The following FBXL20 variants were observed in gnomAD, a reference collection of about 807,000 sequenced individuals.
FBXL20 encodes the protein F-box/LRR-repeat protein 20.
In FBXL20, 11 loss-of-function variants were observed where a neutral mutation model predicts 64.0. The observed-to-expected ratio is 0.17, with a 90% confidence interval of 0.11 to 0.28. The LOEUF (loss-of-function observed/expected upper bound fraction) is 0.28, where lower values mean the gene tolerates loss of function less well. Among genes scored for constraint, FBXL20 ranks in the 10% least tolerant of loss-of-function variants. The pLI is 1.00. For missense variants in FBXL20, 303 were observed against 526.2 expected (o/e 0.58, Z 4.15); for synonymous variants, 184 against 189.0 (o/e 0.97, Z 0.22).
intron 2 of FBXL20, among the ~76,000 whole-genome samples, chr17:39,310,711 C>T (rs750043730): frequency 2.6e-5 from 4 of 151,952 alleles, no homozygotes; most frequent in Non-Finnish European, 4.4e-5. Context: ...TTAGGCTGGG[C>T]TTGGTGGCTC....
At chr17:39,285,403 C>A in intron 7 of FBXL20, 75 bp downstream of exon 7, 1 of 991,032 alleles carries the variant, frequency 1.0e-6, no homozygotes, top group Non-Finnish European at 1.4e-6. Flanking sequence ...CTTCAATTCC[C>A]ACTTTATATC....
rs76714785 is a variant in FBXL20, at chr17:39,320,929, G to T, written c.105-17290C>A. Among the ~76,000 whole-genome samples, 26 of 152,186 alleles carry T rather than the reference G, an allele frequency of 1.7e-4. No homozygotes were observed. In the East Asian group the frequency reaches 4.8e-3, roughly 28 times the overall value. ...AACAAAAAGTGACTAACAGCCACAC[G>T]TAACTCAGAAGACAATATATAGTTT... On this transcript the variant is annotated intron_variant, in intron 2 of 14. Coordinates refer to ENST00000264658, the MANE Select transcript of FBXL20 (RefSeq NM_032875.3).
chr17:39,268,836 C>A lies in FBXL20; in HGVS notation c.924G>T (p.Glu308Asp). The change falls in exon 12 of 15, where the codon GAG (glutamate) becomes GAT (aspartate). Residue 308 changes from glutamate (E) to aspartate (D), a missense_variant. By Grantham distance (45) the Glu-to-Asp change is conservative. This residue lies in a region of FBXL20 where 246 missense variants were observed against 422.6 expected (regional missense o/e 0.58). Coordinates refer to ENST00000264658, the MANE Select transcript of FBXL20 (RefSeq NM_032875.3). ...AAATCTACAATCTTACCTGAACACA[C>A]TCTTCCAGGTCCATCTTTTCAAGTT... ...CHELEKMDLE[E>D]CVQITDSTLI... is the part of the protein sequence containing the mutation. 6.2e-7 allele frequency: 1 copy of A among 1,613,452 alleles called. No individual in the cohort carries two copies.
At chr17:39,343,321 T>C in intron 1 of FBXL20, 80 bp from the exon 2 acceptor site, 1 of 1,000,914 alleles carries the variant, frequency 1.0e-6, no homozygotes, top group South Asian at 1.9e-5. Context: ...TAGAGGCAAT[T>C]CTCTCAGGAA....
chr17:39,322,816 A>T (rs965469741), intron 2 of FBXL20, among the ~76,000 whole-genome samples: 1 of 151,866 alleles, frequency 6.6e-6, no homozygotes. Context: ...TTATTTTTTT[A>T]TTTTTTGAGA....
intron 1 of FBXL20, among the ~76,000 whole-genome samples, chr17:39,365,664 A>G (rs1450190432): frequency 6.6e-6 from 1 of 151,650 alleles, no homozygotes; most frequent in Non-Finnish European, 1.5e-5. Context: ...ACACACTTTT[A>G]TTTTTTTCTT....
At chr17:39,300,478 G>C (rs1345492003) in intron 4 of FBXL20, among the ~76,000 whole-genome samples, 3 of 152,086 alleles carry the variant, frequency 2.0e-5, no homozygotes, top group Non-Finnish European at 4.4e-5. Context: ...GGCTATACTA[G>C]GAGATAAAAC....
chr17:39,278,874 C>T (rs2046923402), intron 9 of FBXL20, among the ~76,000 whole-genome samples: 2 of 150,962 alleles, frequency 1.3e-5, no homozygotes, highest in South Asian at 4.3e-4. Context: ...GAAATCATGG[C>T]CGGGTGCAGT....
intron 1 of FBXL20, among the ~76,000 whole-genome samples, chr17:39,363,742 T>G (rs1414222549): frequency 4.3e-5 from 6 of 140,692 alleles, no homozygotes; most frequent in Non-Finnish European, 3.0e-5. Context: ...GCCCGGAAGT[T>G]GAAGGCTGCA....
In FBXL20 at chr17:39,277,711, G is replaced by T. The variant is rs558704209; in HGVS notation, c.697-2611C>A. 2.4e-3 allele frequency among the ~76,000 whole-genome samples: 320 copies of T among 134,106 alleles called. 2 individuals carry two copies. Among genetic ancestry groups the T allele is most frequent in the African/African-American group, 8.5e-3 (301 of 35,498 alleles). The allele number at this position is 134,106 out of a possible 152,430, so 88.0% of individuals were successfully genotyped here. On this transcript the variant is annotated intron_variant, in intron 9 of 14. Transcript: ENST00000264658. ...AGAGGTTGCAGTGAGCCAAGATCAT[G>T]TCATTGCACTCCAGCTTGGGCAACA...
At chr17:39,286,293 C>T (rs1177061326) in intron 6 of FBXL20, among the ~76,000 whole-genome samples, 1 of 152,164 alleles carries the variant, frequency 6.6e-6, no homozygotes, top group African/African-American at 2.4e-5. Context: ...AGGCCCACTG[C>T]AACCTCCATT....
chr17:39,337,593 C>T (rs2047537385), intron 2 of FBXL20, among the ~76,000 whole-genome samples: 3 of 151,624 alleles, frequency 2.0e-5, no homozygotes, highest in African/African-American at 7.3e-5. Flanking sequence ...CTCTGCCCGG[C>T]CGCGACCCCG....
chr17:39,319,081 T>C (rs1359328044), intron 2 of FBXL20, among the ~76,000 whole-genome samples: 1 of 151,772 alleles, frequency 6.6e-6, no homozygotes, highest in Non-Finnish European at 1.5e-5. Flanking sequence ...AAACCCCGTC[T>C]CTACTAAAAA....
chr17:39,383,887 G>A (rs112921561), intron 1 of FBXL20, among the ~76,000 whole-genome samples: 1,629 of 152,000 alleles, frequency 0.011, 27 homozygotes, highest in African/African-American at 0.037. Flanking sequence ...ACCGTGCCGG[G>A]CTACTTTGTT....
chr17:39,399,339 A>C (rs1029888011), intron 1 of FBXL20, among the ~76,000 whole-genome samples: 1 of 152,216 alleles, frequency 6.6e-6, no homozygotes, highest in African/African-American at 2.4e-5. Flanking sequence ...CGTATCTTTT[A>C]TTGAAAGTAA....
chr17:39,266,734 T>C (rs2046795489), intron 12 of FBXL20, among the ~76,000 whole-genome samples: 1 of 152,244 alleles, frequency 6.6e-6, no homozygotes. Context: ...TAAATCCCAT[T>C]GGCTACCTGA....
chr17:39,366,270 T>C (rs563243633), intron 1 of FBXL20, among the ~76,000 whole-genome samples: 4 of 152,218 alleles, frequency 2.6e-5, no homozygotes, highest in Admixed American at 2.6e-4. Context: ...ACCCTACATA[T>C]AGGCTATCAT....
intron 9 of FBXL20, among the ~76,000 whole-genome samples, chr17:39,275,415 T>G (rs2046880897): frequency 2.6e-5 from 4 of 151,916 alleles, no homozygotes. Flanking sequence ...ATTTATTTAT[T>G]TATTTATTTA....
rs111716428 is a variant in FBXL20 at position 39,313,911 on chromosome 17, A to C, written c.105-10272T>G. Among the ~76,000 whole-genome samples, 885 of 152,368 alleles carry C rather than the reference A, an allele frequency of 5.8e-3. 13 individuals are homozygous for C. Among genetic ancestry groups the C allele is most frequent in the African/African-American group, 0.02 (826 of 41,596 alleles). On this transcript the variant is annotated intron_variant, in intron 2 of 14. Coordinates refer to ENST00000264658, the MANE Select transcript of FBXL20 (RefSeq NM_032875.3). ...TGGCCTCTCAAAGTGCTGGGATTACAGGCATGAACCACAGTGCCCGGCCCA... is the reference window on the plus strand; with the variant it reads ...TGGCCTCTCAAAGTGCTGGGATTACCGGCATGAACCACAGTGCCCGGCCCA...
Sources: allele counts gnomAD v4.1 joint callset (sites outside exome capture counted in the v4.1 genomes callset), GRCh38; gene constraint gnomAD v4.1.1; regional missense constraint gnomAD v4.1.1; transcripts MANE v1.5; gene names NCBI Gene and HGNC (gene_info 2026-07-23, HGNC 2026-07-21).